LIPT1: variants seen among roughly 807,000 people sequenced by gnomAD.
The protein encoded by LIPT1 is lipoyltransferase 1, also known as lipoyl amidotransferase LIPT1, mitochondrial.
Under a neutral mutation model 25.1 loss-of-function variants are expected in LIPT1, and 22 were observed. The ratio of observed to expected loss-of-function variants is 0.88; its 90% CI spans 0.63 to 1.25. The LOEUF is 1.25. LIPT1 is among the 50% of genes most tolerant of loss of function. The probability of loss-of-function intolerance (pLI) is 0.00; values close to 1 mark genes in which losing one functional copy is unlikely to be tolerated. For synonymous variants in LIPT1, 131 were observed against 150.8 expected, an observed-to-expected ratio of 0.87 and a Z score of 0.96; for missense variants, 399 against 432.8, an observed-to-expected ratio of 0.92 and a Z score of 0.69.
chr2:99,155,890 C>G (rs1235734738), intron 1 of LIPT1, among the ~76,000 whole-genome samples: 2 of 152,180 alleles, frequency 1.3e-5, no homozygotes, highest in Non-Finnish European at 2.9e-5. Context: ...GTAACTCAGT[C>G]CTTTTCTGAT....
intron 1 of LIPT1, among the ~76,000 whole-genome samples, chr2:99,157,307 C>T (rs534404883): frequency 5.3e-4 from 81 of 152,268 alleles, no homozygotes; most frequent in African/African-American, 1.9e-3. Context: ...TAAGGCTGCC[C>T]CTACCTGAAC....
intron 1 of LIPT1, 68 bp from the exon 2 acceptor site, chr2:99,161,889 A>T: frequency 7.5e-7 from 1 of 1,341,236 alleles, no homozygotes; most frequent in Non-Finnish European, 1.0e-6. Flanking sequence ...GATAATTGAT[A>T]GTTAGAAAAT....
intron 1 of LIPT1, 90 bp downstream of exon 1, chr2:99,155,141 G>A (rs561771127): frequency 2.3e-6 from 1 of 443,720 alleles, no homozygotes; most frequent in South Asian, 1.6e-5. Context: ...GGTGTTTCTG[G>A]CGGTGGGTCA....
intron 1 of LIPT1, among the ~76,000 whole-genome samples, chr2:99,157,982 CAT>C (rs2093765188): frequency 6.6e-6 from 1 of 152,184 alleles, no homozygotes; most frequent in Admixed American, 6.5e-5. Flanking sequence ...ATAGTTAGCA[CAT>C]ATTGTGTACT....
intron 1 of LIPT1, chr2:99,156,438 A>G (rs2093754798): frequency 6.6e-6 from 1 of 152,148 alleles, no homozygotes; most frequent in Admixed American, 6.6e-5. Flanking sequence ...TAATTTTTGT[A>G]TTTTTGGTAG....
chr2:99,160,459 T>C (rs2093779104), intron 1 of LIPT1, among the ~76,000 whole-genome samples: 1 of 152,242 alleles, frequency 6.6e-6, no homozygotes, highest in Non-Finnish European at 1.5e-5. Context: ...CCTCAAGTTA[T>C]ACACTTTAAT....
In LIPT1 at chr2:99,154,976, C is replaced by T. The variant is rs918915215; in HGVS notation, c.-77C>T. 4.4e-6 allele frequency: 2 copies of T among 455,808 alleles called. No individual in the cohort carries two copies. Among genetic ancestry groups the T allele is most frequent in the East Asian group, 7.0e-5 (1 of 14,382 alleles). The allele number at this position is 455,808 out of a possible 1,614,324, so 28.2% of individuals were successfully genotyped here. ...GGGCAGCATCGCGCGCAAGGCCTGC[C>T]GGTTGCTCGGGGTCGTATGACGCAC... is the stretch of plus-strand genomic sequence containing the variant. On this transcript the variant is annotated 5_prime_UTR_variant, in exon 1 of 2. Coordinates refer to ENST00000651691, the MANE Select transcript of LIPT1 (RefSeq NM_145199.3).
At chr2:99,158,338 A>G (rs981872434) in intron 1 of LIPT1, among the ~76,000 whole-genome samples, 1 of 151,640 alleles carries the variant, frequency 6.6e-6, no homozygotes, top group African/African-American at 2.4e-5. Flanking sequence ...TCATGCCTGT[A>G]ATCCGAGTGC....
At position 99,161,969 on chromosome 2, in the gene LIPT1, A is replaced by G; in HGVS notation, c.12A>G (p.Pro4=). MLI[P]FSMKNCFQLL... ...CCATTTTTAAAAGCATGCTGATCCC[A>G]TTTTCAATGAAGAATTGCTTCCAGT... The change falls in exon 2 of 2, where the codon CCA becomes CCG. Residue 4 remains proline (P), a synonymous_variant. Transcript: ENST00000651691. The G allele has an allele frequency of 6.3e-7, 1 of 1,597,894 alleles. No individual in the cohort carries two copies. Among genetic ancestry groups the G allele is most frequent in the East Asian group, 2.2e-5 (1 of 44,566 alleles).
chr2:99,160,660 T>A (rs965126408), intron 1 of LIPT1, among the ~76,000 whole-genome samples: 1 of 152,208 alleles, frequency 6.6e-6, no homozygotes, highest in Non-Finnish European at 1.5e-5. Flanking sequence ...CCAAACATAG[T>A]GAATTTATTC....
At position 99,162,738 on chromosome 2, in the gene LIPT1, A is replaced by T; in HGVS notation, c.781A>T (p.Ser261Cys). Residue 261 changes from serine to cysteine, a missense_variant, in exon 2 of 2, where the codon AGC becomes TGC. Coordinates refer to ENST00000651691, the MANE Select transcript of LIPT1 (RefSeq NM_145199.3). ...TDETLFPGIN[S>C]KAKELQTWEW... The stretch of plus-strand genomic sequence containing the variant: ...TGAGACACTGTTTCCTGGAATAAAT[A>T]GCAAAGCCAAAGAACTGCAAACTTG... 6.2e-7 allele frequency: 1 copy of T among 1,614,224 alleles called. No homozygotes were observed. Among genetic ancestry groups the T allele is most frequent in the Non-Finnish European group, 8.5e-7 (1 of 1,180,028 alleles).
intron 1 of LIPT1, chr2:99,155,469 T>G (rs1225503404): frequency 6.6e-6 from 3 of 456,010 alleles, no homozygotes; most frequent in South Asian, 1.5e-5. Flanking sequence ...GATTGTGCTG[T>G]TTTCGCTTTC....
chr2:99,155,606 G>A, intron 1 of LIPT1: 1 of 445,856 alleles, frequency 2.2e-6, no homozygotes, highest in South Asian at 1.6e-5. Flanking sequence ...AGAGTAGAAA[G>A]ATTCAAAGTG....
In LIPT1 at chr2:99,162,639, A is replaced by G; in HGVS notation, c.682A>G (p.Met228Val). ...TCCCACTCTGACCTGTGAAGTACTA[A>G]TGAATGCTGTTGCTACAGAGTATGC... ...KDPTLTCEVL[M>V]NAVATEYAAY... The change falls in exon 2 of 2, where the codon ATG becomes GTG. Residue 228 changes from methionine (M) to valine (V), a missense_variant. Physicochemically the swap from Met to Val is conservative, Grantham distance 21. Transcript: ENST00000651691. 6.2e-7 allele frequency: 1 copy of G among 1,614,150 alleles called. No homozygotes were observed.
chr2:99,158,990 A>G (rs746265630), intron 1 of LIPT1, among the ~76,000 whole-genome samples: 1 of 151,940 alleles, frequency 6.6e-6, no homozygotes, highest in Non-Finnish European at 1.5e-5. Context: ...GTGTAGTGGC[A>G]CGATCTCGGC....
Position 99,162,054 on chromosome 2 carries a change from A to G in LIPT1, c.97A>G (p.Ile33Val). 6.2e-7 allele frequency: 1 copy of G among 1,614,142 alleles called. No homozygotes were observed. Among genetic ancestry groups the G allele is most frequent in the Non-Finnish European group, 8.5e-7 (1 of 1,180,012 alleles). The change falls in exon 2 of 2, where the codon ATT becomes GTT. Residue 33 changes from isoleucine (I) to valine (V), a missense_variant. By Grantham distance (29) the Ile-to-Val change is conservative. Transcript: ENST00000651691. ...GFKKTVKNGLILQSISNDVYQ... is the reference protein window; with the variant it reads ...GFKKTVKNGLVLQSISNDVYQ... ...TAAAAAAACAGTAAAAAATGGGCTC[A>G]TTTTACAGTCAATTTCCAATGATGT...
In LIPT1 at chr2:99,155,029, G is replaced by T. The variant is rs1380852556; in HGVS notation, c.-24G>T. On this transcript the variant is annotated 5_prime_UTR_variant, in exon 1 of 2. Transcript: ENST00000651691. Reference sequence around the variant, plus strand: ...TTCCAGCTCGAGCCCTCACGAGGCCGTGGGTACGACCGGAAGCCGCAGGTG... The same window carrying T: ...TTCCAGCTCGAGCCCTCACGAGGCCTTGGGTACGACCGGAAGCCGCAGGTG... The T allele has an allele frequency of 2.2e-6, 1 of 456,022 alleles. No homozygotes were observed. Among genetic ancestry groups the T allele is most frequent in the Non-Finnish European group, 4.4e-6 (1 of 226,786 alleles). 28.2% of individuals were successfully genotyped at this position (456,022 alleles called of 1,614,324 possible).
chr2:99,161,294 ATATAT>A (rs2093789609), intron 1 of LIPT1: 1 of 14,756 alleles, frequency 6.8e-5, no homozygotes, highest in African/African-American at 3.4e-4. Context: ...AAAAAAAAAT[ATATAT>A]ATATATATAT....
chr2:99,161,908 A>G (rs746244123), intron 1 of LIPT1, 49 bp from the exon 2 acceptor site: 81 of 1,436,764 alleles, frequency 5.6e-5, no homozygotes, highest in Non-Finnish European at 7.7e-5. Flanking sequence ...ATAGAATTTA[A>G]TGTTCCTTTT....
Sources: allele counts gnomAD v4.1 joint callset (sites outside exome capture counted in the v4.1 genomes callset), GRCh38; gene constraint gnomAD v4.1.1; transcripts MANE v1.5; gene names NCBI Gene and HGNC (gene_info 2026-07-23, HGNC 2026-07-21).